The following SLC10A6 variants were observed in gnomAD, a reference collection of about 807,000 sequenced individuals.
SLC10A6 encodes solute carrier family 10 member 6, also known as sodium-dependent organic anion transporter.
SLC10A6 carries 27 observed loss-of-function variants against 30.0 expected under a neutral mutation model. The observed-to-expected ratio is 0.90, with a 90% CI of 0.66 to 1.24. SLC10A6 has a LOEUF of 1.24. SLC10A6 is among the 50% of genes most tolerant of loss of function. The probability of loss-of-function intolerance (pLI) is 0.00; values close to 1 mark genes in which losing one functional copy is unlikely to be tolerated. For synonymous variants in SLC10A6, 166 were observed against 173.8 expected (o/e 0.95, Z 0.36); for missense variants, 439 against 457.0 (o/e 0.96, Z 0.36).
rs1746442708 is a variant in SLC10A6, at chr4:86,849,129, T to C, written c.-14A>G. ...ATTGGCTCTCATCTCCTCATCTCCTTAAGGCAGCATTACAAATGAACATCG... is the reference window on the plus strand; with the variant it reads ...ATTGGCTCTCATCTCCTCATCTCCTCAAGGCAGCATTACAAATGAACATCG... On this transcript the variant is annotated 5_prime_UTR_variant, in exon 1 of 6. The change abolishes the stop of an existing upstream ORF in the 5' untranslated region. Coordinates refer to ENST00000273905, the MANE Select transcript of SLC10A6 (RefSeq NM_197965.3). 1 of 1,596,510 alleles carries C rather than the reference T, an allele frequency of 6.3e-7. No individual in the cohort carries two copies. Among genetic ancestry groups the C allele is most frequent in the Non-Finnish European group, 8.5e-7 (1 of 1,170,998 alleles).
Position 86,823,854 on chromosome 4 carries a change from T to C in SLC10A6, c.968A>G (p.Asn323Ser). ...ATGGCAGACTTCTGTGCAACCTGAG[T>C]TCTTTTTTCCATGTTTGTTCTTCAA... is the stretch of plus-strand genomic sequence containing the variant. ...RRLKNKHGKK[N>S]SGCTEVCHTR... is the part of the protein sequence containing the mutation. Residue 323 changes from asparagine to serine, a missense_variant, in exon 6 of 6, where the codon AAC becomes AGC. Asn to Ser is a conservative substitution (Grantham distance 46, BLOSUM62 1). Transcript: ENST00000273905. 1 of 1,613,870 alleles carries C rather than the reference T, an allele frequency of 6.2e-7. No homozygotes were observed. Among genetic ancestry groups the C allele is most frequent in the Non-Finnish European group, 8.5e-7 (1 of 1,179,828 alleles).
intron 1 of SLC10A6, among the ~76,000 whole-genome samples, chr4:86,844,434 G>A (rs374423120): frequency 2.6e-4 from 39 of 152,230 alleles, no homozygotes; most frequent in African/African-American, 8.9e-4. Context: ...ATCCATGTCC[G>A]CTGTAATGTG....
At chr4:86,837,098 A>G (rs923371120) in intron 1 of SLC10A6, among the ~76,000 whole-genome samples, 16 of 151,652 alleles carry the variant, frequency 1.1e-4, no homozygotes. Flanking sequence ...AAATTTATTT[A>G]GGGAAAAGCA....
Position 86,825,451 on chromosome 4 carries a change from G to A in SLC10A6, c.888C>T (p.Phe296=). The A allele has an allele frequency of 6.2e-7, 1 of 1,606,742 alleles. No individual in the cohort carries two copies. The highest frequency in any genetic ancestry group is 8.5e-7 in the Non-Finnish European group (1 of 1,174,212). ...MLSFPLAYGL[F]QLIDGFLIVA... ...CAATAAGAAATCCATCTATCAGCTG[G>A]AAGAGTCCATAGGCCAGTGGGAAAC... Residue 296 remains phenylalanine (F), a synonymous_variant, in exon 5 of 6, where the codon TTC becomes TTT. Transcript: ENST00000273905.
chr4:86,830,681 TA>T (rs1178538543), intron 3 of SLC10A6, among the ~76,000 whole-genome samples: 3 of 152,146 alleles, frequency 2.0e-5, no homozygotes, highest in African/African-American at 7.2e-5. Context: ...CACAGGCATA[TA>T]GAGTGGCAAT....
At position 86,834,624 on chromosome 4, in the gene SLC10A6, A is replaced by T. The variant is rs148992558; in HGVS notation, c.378-1200T>A. On this transcript the variant is annotated intron_variant, in intron 1 of 5. Coordinates refer to ENST00000273905, the MANE Select transcript of SLC10A6 (RefSeq NM_197965.3). ...TTTTATTGAAAATTTTTGCATGTATATTCATAAGAACTATTGATCTGCAGT... is the reference window on the plus strand; with the variant it reads ...TTTTATTGAAAATTTTTGCATGTATTTTCATAAGAACTATTGATCTGCAGT... Among the ~76,000 whole-genome samples the T allele has an allele frequency of 3.2e-3, 487 of 152,298 alleles. 3 individuals are homozygous for T. The highest frequency in any genetic ancestry group is 0.011 in the African/African-American group (461 of 41,558).
Position 86,848,973 on chromosome 4 carries a change from G to A in SLC10A6, c.143C>T (p.Ser48Phe). Residue 48 changes from serine to phenylalanine, a missense_variant, in exon 1 of 6, where the codon TCT becomes TTT. Transcript: ENST00000273905. Reference sequence around the variant, plus strand: ...CCGGATCTCCACGGAACATCCCAAAGAGAACATGAGCAGCCCCATCATCAC... The same window carrying A: ...CCGGATCTCCACGGAACATCCCAAAAAGAACATGAGCAGCCCCATCATCAC... ...STVMMGLLMF[S>F]LGCSVEIRKL... 4 of 1,614,154 alleles carry A rather than the reference G, an allele frequency of 2.5e-6. No individual in the cohort carries two copies. Among genetic ancestry groups the A allele is most frequent in the Non-Finnish European group, 3.4e-6 (4 of 1,180,032 alleles).
Position 86,828,130 on chromosome 4 carries a change from G to C in SLC10A6, c.624C>G (p.Val208=). 7 of 1,613,518 alleles carry C rather than the reference G, an allele frequency of 4.3e-6. No homozygotes were observed. Among genetic ancestry groups the C allele is most frequent in the African/African-American group, 1.3e-5 (1 of 74,934 alleles). ...TCGCCAGGACCACACCAGCAACTGCGACCACCAGAAGGAGGACCCCACCAA... is the reference window on the plus strand; with the variant it reads ...TCGCCAGGACCACACCAGCAACTGCCACCACCAGAAGGAGGACCCCACCAA... ...AVVGGVLLLV[V]AVAGVVLAKG... Residue 208 remains valine (V), a synonymous_variant, in exon 4 of 6, where the codon GTC becomes GTG. Coordinates refer to ENST00000273905, the MANE Select transcript of SLC10A6 (RefSeq NM_197965.3).
chr4:86,848,870 T>C lies in SLC10A6; in HGVS notation c.246A>G (p.Thr82=). ...LLCQFGLMPF[T]AYLLAISFSL... is the part of the protein sequence containing the mutation. ...AAAAGCTAATGGCCAGGAGATAAGC[T>C]GTAAAAGGCATGAGCCCAAACTGGC... The change falls in exon 1 of 6, where the codon ACA becomes ACG. Residue 82 remains threonine, a synonymous_variant. Transcript: ENST00000273905. 1 of 1,614,178 alleles carries C rather than the reference T, an allele frequency of 6.2e-7. No homozygotes were observed. Among genetic ancestry groups the C allele is most frequent in the Non-Finnish European group, 8.5e-7 (1 of 1,180,036 alleles).
chr4:86,824,171 A>G (rs1745935828), intron 5 of SLC10A6, among the ~76,000 whole-genome samples: 1 of 152,136 alleles, frequency 6.6e-6, no homozygotes, highest in Non-Finnish European at 1.5e-5. Context: ...TCATTCATTC[A>G]TTCATTCATT....
At chr4:86,844,071 G>T (rs948600857) in intron 1 of SLC10A6, among the ~76,000 whole-genome samples, 2 of 152,020 alleles carry the variant, frequency 1.3e-5, no homozygotes, top group Non-Finnish European at 2.9e-5. Flanking sequence ...CCAGCTACTC[G>T]GGAGGCTGAG....
At chr4:86,834,599 T>C (rs1398921819) in intron 1 of SLC10A6, among the ~76,000 whole-genome samples, 1 of 152,224 alleles carries the variant, frequency 6.6e-6, no homozygotes, top group Non-Finnish European at 1.5e-5. Context: ...GTGATAGTAT[T>C]TTTATTGAAA....
chr4:86,847,238 A>G (rs1445329678), intron 1 of SLC10A6, among the ~76,000 whole-genome samples: 1 of 152,192 alleles, frequency 6.6e-6, no homozygotes, highest in Non-Finnish European at 1.5e-5. Context: ...ATAAAAGGCC[A>G]TTTACAAGGT....
intron 3 of SLC10A6, among the ~76,000 whole-genome samples, chr4:86,828,810 C>T (rs1372381173): frequency 1.3e-5 from 2 of 152,060 alleles, no homozygotes; most frequent in Non-Finnish European, 2.9e-5. Context: ...CCAACAATAA[C>T]AAAATTTTGA....
At chr4:86,830,253 C>T (rs1746056442) in intron 3 of SLC10A6, among the ~76,000 whole-genome samples, 1 of 152,050 alleles carries the variant, frequency 6.6e-6, no homozygotes. Flanking sequence ...TTTTTATTAG[C>T]AGGGCAGGAT....
chr4:86,829,505 T>C (rs1243355982), intron 3 of SLC10A6, among the ~76,000 whole-genome samples: 1 of 151,912 alleles, frequency 6.6e-6, no homozygotes, highest in Non-Finnish European at 1.5e-5. Context: ...CAAGAGCAAA[T>C]GGGGAACACT....
In SLC10A6 at chr4:86,833,469, T is replaced by A. The variant is rs201294493; in HGVS notation, c.378-45A>T. On this transcript the variant is annotated intron_variant, in intron 1 of 5. Coordinates refer to ENST00000273905, the MANE Select transcript of SLC10A6 (RefSeq NM_197965.3). ...AATGCTTAGGAGGGAGCATTGGACA[T>A]GAAGAATTTAGTCTTTACCAAAAGC... The A allele has an allele frequency of 3.4e-6, 5 of 1,467,218 alleles. No homozygotes were observed. The African/African-American group carries it at 7.0e-5, about 20-fold the overall frequency. The allele number at this position is 1,467,218 out of a possible 1,614,324, so 90.9% of individuals were successfully genotyped here.
intron 1 of SLC10A6, among the ~76,000 whole-genome samples, chr4:86,840,107 A>G (rs1746267075): frequency 1.3e-5 from 2 of 149,782 alleles, no homozygotes; most frequent in South Asian, 4.2e-4. Flanking sequence ...TTTAGTAGAG[A>G]TGGGTTTTAC....
In SLC10A6 at chr4:86,835,728, GAAGA is replaced by G. The variant is rs61441755; in HGVS notation, c.378-2308_378-2305del. ...GAAAAGAAGAAAAGAAAGAAAAGGA[GAAGA>G]AAGAAAGAAAGAAAGAGAGAGAGAG... On this transcript the variant is annotated intron_variant, in intron 1 of 5. Coordinates refer to ENST00000273905, the MANE Select transcript of SLC10A6 (RefSeq NM_197965.3). Among the ~76,000 whole-genome samples the G allele has an allele frequency of 3.3e-3, 481 of 147,148 alleles. 3 individuals carry two copies. The highest frequency in any genetic ancestry group is 0.011 in the African/African-American group (441 of 39,332).
Sources: gnomAD v4.1 joint callset for allele counts (sites outside exome capture counted in the v4.1 genomes callset) on GRCh38, gnomAD v4.1.1 for gene constraint, MANE v1.5 for transcripts, NCBI Gene and HGNC (gene_info 2026-07-23, HGNC 2026-07-21) for gene names.